UTRN: variants seen among roughly 807,000 people sequenced by gnomAD.
UTRN encodes the protein utrophin, also known as dystrophin-related protein 1.
Under a neutral mutation model 463.9 loss-of-function variants are expected in UTRN, and 283 were observed. The observed-to-expected ratio is 0.61, with a 90% CI of 0.55 to 0.67. UTRN has a LOEUF of 0.67. Ranked by LOEUF, UTRN falls within the 30% of genes least tolerant of loss-of-function variation. UTRN has a pLI of 0.00. For synonymous variants in UTRN, 1,442 were observed against 1,431.5 expected (o/e 1.01, Z -0.17); for missense variants, 3,922 against 4,084.3 (o/e 0.96, Z 1.08).
intron 51 of UTRN, among the ~76,000 whole-genome samples, chr6:144,616,419 G>A (rs1806105141): frequency 1.3e-5 from 2 of 152,026 alleles, no homozygotes; most frequent in Admixed American, 1.3e-4. Flanking sequence ...TAAGCTACAA[G>A]CCATTATAAT....
chr6:144,769,860 T>C (rs896544559), intron 58 of UTRN, among the ~76,000 whole-genome samples: 4 of 152,162 alleles, frequency 2.6e-5, no homozygotes, highest in African/African-American at 9.7e-5. Context: ...TGGAATTGCA[T>C]TACCTCCTCA....
chr6:144,324,597 T>C (rs1775863053), intron 2 of UTRN, among the ~76,000 whole-genome samples: 1 of 152,192 alleles, frequency 6.6e-6, no homozygotes, highest in Admixed American at 6.5e-5. Context: ...TGCACACTGC[T>C]CCATGTGAAA....
At chr6:144,428,713 A>C in intron 7 of UTRN, 65 bp from the exon 8 acceptor site, 1 of 905,610 alleles carries the variant, frequency 1.1e-6, no homozygotes. Flanking sequence ...GTATTAGATT[A>C]TAACAATGCC....
At chr6:144,319,720 A>G (rs1775510286) in intron 2 of UTRN, among the ~76,000 whole-genome samples, 1 of 152,132 alleles carries the variant, frequency 6.6e-6, no homozygotes, top group East Asian at 1.9e-4. Flanking sequence ...GGCACATGCC[A>G]CCATGCCCAG....
At chr6:144,558,840 AG>A (rs1799612786) in intron 50 of UTRN, among the ~76,000 whole-genome samples, 1 of 152,166 alleles carries the variant, frequency 6.6e-6, no homozygotes, top group Admixed American at 6.6e-5. Context: ...TTAGAACAAA[AG>A]GCTATAACAA....
intron 72 of UTRN, among the ~76,000 whole-genome samples, chr6:144,840,474 A>C (rs1156905200): frequency 6.6e-6 from 1 of 152,148 alleles, no homozygotes; most frequent in Non-Finnish European, 1.5e-5. Flanking sequence ...CTTGTTTTTC[A>C]GTCTCATATT....
At chr6:144,362,303 A>T (rs988413299) in intron 2 of UTRN, among the ~76,000 whole-genome samples, 14 of 152,096 alleles carry the variant, frequency 9.2e-5, no homozygotes, top group Non-Finnish European at 2.9e-5. Context: ...TGACCTGTGC[A>T]CACCACCCCC....
intron 36 of UTRN, among the ~76,000 whole-genome samples, chr6:144,514,391 T>C (rs1795434863): frequency 6.6e-6 from 1 of 152,224 alleles, no homozygotes; most frequent in Admixed American, 6.5e-5. Flanking sequence ...TCTGTCTTAC[T>C]TCTGTACTCT....
Position 144,751,794 on chromosome 6 carries a change from C to T in UTRN, c.8209-12C>T, listed in dbSNP as rs768847906. The T allele has an allele frequency of 3.8e-6, 6 of 1,585,876 alleles. No individual in the cohort carries two copies. The highest frequency in any genetic ancestry group is 3.7e-5 in the Admixed American group (2 of 53,920). On this transcript the variant is annotated splice_polypyrimidine_tract_variant and intron_variant, in intron 55 of 74. Transcript: ENST00000367545. ...CGTTTCCAATAATATATTTTTTGTTCTTTTCTTCTAGGCATTTAGAGAAGA... is the reference window on the plus strand; with the variant it reads ...CGTTTCCAATAATATATTTTTTGTTTTTTTCTTCTAGGCATTTAGAGAAGA...
At chr6:144,787,231 A>C (rs1776370527) in intron 61 of UTRN, among the ~76,000 whole-genome samples, 1 of 152,168 alleles carries the variant, frequency 6.6e-6, no homozygotes, top group East Asian at 1.9e-4. Context: ...AAAGGAAGCA[A>C]ACATTGTCTG....
At chr6:144,757,668 A>G (rs142012191) in intron 57 of UTRN, among the ~76,000 whole-genome samples, 2,921 of 152,228 alleles carry the variant, frequency 0.019, 47 homozygotes, top group South Asian at 0.065. Flanking sequence ...AAGCAACACC[A>G]TTTGAAAGTT....
At chr6:144,326,481 A>C (rs1775981561) in intron 2 of UTRN, among the ~76,000 whole-genome samples, 1 of 152,162 alleles carries the variant, frequency 6.6e-6, no homozygotes, top group South Asian at 2.1e-4. Flanking sequence ...ATTTTGAGGC[A>C]AGTTTCTCCT....
intron 2 of UTRN, among the ~76,000 whole-genome samples, chr6:144,358,955 T>C (rs1778805417): frequency 6.6e-6 from 1 of 152,216 alleles, no homozygotes; most frequent in South Asian, 2.1e-4. Context: ...GGTGTTTTCG[T>C]TTGACATTAC....
At chr6:144,684,680 A>G (rs1782565961) in intron 52 of UTRN, among the ~76,000 whole-genome samples, 1 of 152,162 alleles carries the variant, frequency 6.6e-6, no homozygotes, top group African/African-American at 2.4e-5. Flanking sequence ...CCTCTGTTGT[A>G]TCAAATCAAA....
intron 50 of UTRN, among the ~76,000 whole-genome samples, chr6:144,575,204 C>CT (rs920325069): frequency 1.4e-3 from 208 of 152,108 alleles, no homozygotes; most frequent in African/African-American, 4.7e-3. Context: ...AGGTTTAAAT[C>CT]TTTTGCCCAT....
intron 74 of UTRN, among the ~76,000 whole-genome samples, chr6:144,847,484 G>C (rs919627136): frequency 5.3e-5 from 8 of 152,210 alleles, no homozygotes; most frequent in Non-Finnish European, 8.8e-5. Context: ...CAGGCAGGAG[G>C]GGGTGGAGGA....
intron 2 of UTRN, among the ~76,000 whole-genome samples, chr6:144,362,864 T>A (rs577516410): frequency 6.6e-6 from 1 of 152,320 alleles, no homozygotes; most frequent in Non-Finnish European, 1.5e-5. Flanking sequence ...AAAGGTGTAT[T>A]GAGGACCTAC....
intron 43 of UTRN, among the ~76,000 whole-genome samples, chr6:144,537,195 A>C (rs2128604804): frequency 6.6e-6 from 1 of 152,204 alleles, no homozygotes; most frequent in South Asian, 2.1e-4. Context: ...TGAAACACTC[A>C]AAGAGAATTA....
Position 144,529,619 on chromosome 6 carries a change from G to A in UTRN, c.5907-1433G>A, listed in dbSNP as rs367890004. ...TGTGAATTTTTGCAAATGATAATGA[G>A]TGTCAATATCACCTCATAGTGCCTT... On this transcript the variant is annotated intron_variant, in intron 41 of 74. Transcript: ENST00000367545. Among the ~76,000 whole-genome samples the A allele has an allele frequency of 1.1e-4, 17 of 152,236 alleles. No individual in the cohort carries two copies. The South Asian group carries it at 1.2e-3, about 11-fold the overall frequency.
Sources: gnomAD v4.1 joint callset for allele counts (sites outside exome capture counted in the v4.1 genomes callset) on GRCh38, gnomAD v4.1.1 for gene constraint, MANE v1.5 for transcripts, NCBI Gene and HGNC (gene_info 2026-07-23, HGNC 2026-07-21) for gene names.